Variants in PTPRD observed in about 807,000 individuals in gnomAD.
PTPRD encodes the protein receptor-type tyrosine-protein phosphatase delta.
PTPRD carries 34 observed loss-of-function variants against 214.5 expected under a neutral mutation model. The ratio of observed to expected loss-of-function variants is 0.16; its 90% CI spans 0.12 to 0.21. PTPRD has a LOEUF of 0.21. Among genes scored for constraint, PTPRD ranks in the 10% least tolerant of loss-of-function variants. The probability of loss-of-function intolerance (pLI) is 1.00; values close to 1 mark genes in which losing one functional copy is unlikely to be tolerated. For synonymous variants in PTPRD, 1,128 were observed against 845.7 expected, an observed-to-expected ratio of 1.33 and a Z score of -5.79; for missense variants, 2,545 against 2,398.7, an observed-to-expected ratio of 1.06 and a Z score of -1.27.
At chr9:10,393,948 T>C (rs1449401371) in intron 2 of PTPRD, among the ~76,000 whole-genome samples, 2 of 147,816 alleles carry the variant, frequency 1.4e-5, no homozygotes, top group East Asian at 2.0e-4. Flanking sequence ...TGCTAGAAAA[T>C]GCACTAAACT....
At chr9:8,554,813 C>A (rs2083236175) in intron 14 of PTPRD, among the ~76,000 whole-genome samples, 1 of 152,092 alleles carries the variant, frequency 6.6e-6, no homozygotes, top group Non-Finnish European at 1.5e-5. Context: ...GCCTGCAAAC[C>A]CCACAAAACA....
intron 2 of PTPRD, among the ~76,000 whole-genome samples, chr9:10,522,610 A>G (rs867287240): frequency 6.6e-6 from 1 of 152,116 alleles, no homozygotes; most frequent in East Asian, 1.9e-4. Context: ...AGAGAAGCTT[A>G]TAACTCTGAA....
chr9:9,781,977 A>G (rs1281096429), intron 5 of PTPRD, among the ~76,000 whole-genome samples: 1 of 152,026 alleles, frequency 6.6e-6, no homozygotes, highest in Admixed American at 6.5e-5. Context: ...TATTTTTAGT[A>G]GAGGTGGGGT....
At chr9:9,745,582 A>G (rs1054730953) in intron 6 of PTPRD, among the ~76,000 whole-genome samples, 1 of 151,570 alleles carries the variant, frequency 6.6e-6, no homozygotes, top group Non-Finnish European at 1.5e-5. Context: ...GCAATTCCTC[A>G]AAAAAAAATT....
chr9:9,415,569 A>C (rs905720498), intron 8 of PTPRD, among the ~76,000 whole-genome samples: 2 of 152,206 alleles, frequency 1.3e-5, no homozygotes, highest in Non-Finnish European at 2.9e-5. Flanking sequence ...AAATTAGTGG[A>C]TCTCACTTCA....
At chr9:10,327,936 G>A (rs1338140645) in intron 3 of PTPRD, among the ~76,000 whole-genome samples, 1 of 151,676 alleles carries the variant, frequency 6.6e-6, no homozygotes, top group Non-Finnish European at 1.5e-5. Flanking sequence ...GTACATTGCA[G>A]TAACAATTTC....
At chr9:9,229,600 C>G (rs2099961808) in intron 9 of PTPRD, among the ~76,000 whole-genome samples, 1 of 152,030 alleles carries the variant, frequency 6.6e-6, no homozygotes, top group Non-Finnish European at 1.5e-5. Context: ...CTGACAAATA[C>G]TCGGGTTTAC....
chr9:10,492,777 G>C (rs2040758473), intron 2 of PTPRD, among the ~76,000 whole-genome samples: 1 of 152,060 alleles, frequency 6.6e-6, no homozygotes, highest in Admixed American at 6.6e-5. Flanking sequence ...TATTCATGAA[G>C]TCTATGCCCA....
intron 3 of PTPRD, among the ~76,000 whole-genome samples, chr9:10,048,070 T>C (rs1388004361): frequency 1.3e-5 from 2 of 152,210 alleles, no homozygotes; most frequent in Non-Finnish European, 2.9e-5. Context: ...TCCAGCCATC[T>C]ATTTCTCGCT....
chr9:10,216,333 T>G (rs1015549678), intron 3 of PTPRD, among the ~76,000 whole-genome samples: 2 of 151,880 alleles, frequency 1.3e-5, no homozygotes, highest in Non-Finnish European at 2.9e-5. Flanking sequence ...TCAAAAATAT[T>G]GATATTCTAT....
chr9:9,391,323 A>ATTTCAT (rs2065773654), intron 9 of PTPRD, among the ~76,000 whole-genome samples: 2 of 152,184 alleles, frequency 1.3e-5, no homozygotes, highest in Admixed American at 1.3e-4. Flanking sequence ...ACAAGGAGAC[A>ATTTCAT]TTTCATTTTT....
intron 14 of PTPRD, among the ~76,000 whole-genome samples, chr9:8,631,199 T>G (rs2096241369): frequency 6.6e-6 from 1 of 151,938 alleles, no homozygotes. Context: ...ATAAACATAG[T>G]CTCTAAGATT....
chr9:9,757,065 A>G (rs1357697181), intron 6 of PTPRD, among the ~76,000 whole-genome samples: 1 of 152,204 alleles, frequency 6.6e-6, no homozygotes, highest in African/African-American at 2.4e-5. Context: ...TTTATCTTAG[A>G]TGGTCTACTT....
intron 5 of PTPRD, among the ~76,000 whole-genome samples, chr9:9,829,487 A>G (rs2153599452): frequency 6.6e-6 from 1 of 151,980 alleles, no homozygotes; most frequent in Middle Eastern, 3.4e-3. Flanking sequence ...TCAAATGATG[A>G]TCCTAGAGAA....
At chr9:10,096,282 T>C (rs2098483370) in intron 3 of PTPRD, among the ~76,000 whole-genome samples, 1 of 151,712 alleles carries the variant, frequency 6.6e-6, no homozygotes, top group Non-Finnish European at 1.5e-5. Flanking sequence ...CTTTTAAAAC[T>C]GAATCTGTAG....
intron 2 of PTPRD, among the ~76,000 whole-genome samples, chr9:10,364,014 T>TTTTTTTTTTTTG: frequency 2.8e-5 from 4 of 141,808 alleles, no homozygotes; most frequent in South Asian, 2.3e-4. Context: ...TTTTTTTTTT[T>TTTTTTTTTTTTG]TTTGAGATGG....
At chr9:10,413,578 T>C (rs1188939400) in intron 2 of PTPRD, among the ~76,000 whole-genome samples, 2 of 151,890 alleles carry the variant, frequency 1.3e-5, no homozygotes, top group African/African-American at 2.4e-5. Flanking sequence ...AAATTACCAA[T>C]GGCATTCTTC....
intron 3 of PTPRD, among the ~76,000 whole-genome samples, chr9:10,209,986 G>C (rs2099508206): frequency 6.6e-6 from 1 of 151,938 alleles, no homozygotes; most frequent in South Asian, 2.1e-4. Context: ...GTAACATTCA[G>C]ATCTTCAGTT....
chr9:10,469,504 G>C (rs1317997959), intron 2 of PTPRD, among the ~76,000 whole-genome samples: 1 of 151,812 alleles, frequency 6.6e-6, no homozygotes, highest in South Asian at 2.1e-4. Flanking sequence ...AAATTCCAAA[G>C]GAAATTTTAT....
Sources: gnomAD v4.1 joint callset for allele counts (sites outside exome capture counted in the v4.1 genomes callset) on GRCh38, gnomAD v4.1.1 for gene constraint, MANE v1.5 for transcripts, NCBI Gene and HGNC (gene_info 2026-07-23, HGNC 2026-07-21) for gene names.